TRPM1: variants seen among roughly 807,000 people sequenced by gnomAD.
TRPM1 encodes TRPM1-203 APA Isoform, Intron 10.
A neutral mutation model predicts 149.4 loss-of-function variants in TRPM1; 113 were observed. The observed-to-expected ratio is 0.76, with a 90% CI of 0.65 to 0.88. TRPM1 has a LOEUF of 0.88. TRPM1 is among the 40% of genes least tolerant of loss of function. TRPM1 has a pLI of 0.00. For missense variants in TRPM1, 1,976 were observed against 2,038.7 expected, an observed-to-expected ratio of 0.97 and a Z score of 0.59; for synonymous variants, 741 against 759.5, an observed-to-expected ratio of 0.98 and a Z score of 0.40.
chr15:31,016,990 A>ACACAC (rs1566990393), intron 27 of TRPM1, among the ~76,000 whole-genome samples: 11 of 103,602 alleles, frequency 1.1e-4, no homozygotes, highest in South Asian at 3.0e-4. Flanking sequence ...CACACACACA[A>ACACAC]AAAAAAAACT....
chr15:31,102,334 G>A (rs3809578), upstream of TRPM1, among the ~76,000 whole-genome samples: 55,855 of 152,090 alleles, frequency 0.37, 10,992 homozygotes, highest in East Asian at 0.8. Context: ...AACAGTATGC[G>A]TGGTTATTCC....
In TRPM1 at chr15:31,002,613, G is replaced by A; in HGVS notation, c.4087C>T (p.Leu1363Phe). 6.2e-7 allele frequency: 1 copy of A among 1,614,158 alleles called. No individual in the cohort carries two copies. Among genetic ancestry groups the A allele is most frequent in the Non-Finnish European group, 8.5e-7 (1 of 1,180,032 alleles). ...GCGTTCTTTAAGTCATCTACTGCAA[G>A]GTGACTGCCATCTGGGGTTGCTGAT... ...STSATPDGSH[L>F]AVDDLKNAEE... Residue 1363 changes from leucine to phenylalanine, a missense_variant, in exon 28 of 28, where the codon CTT (leucine) becomes TTT (phenylalanine). By Grantham distance (22) the Leu-to-Phe change is conservative (BLOSUM62 0). Coordinates refer to ENST00000256552, the MANE Select transcript of TRPM1 (RefSeq NM_001252024.2).
At chr15:31,056,578 T>C (rs2034092739) in intron 11 of TRPM1, among the ~76,000 whole-genome samples, 1 of 152,202 alleles carries the variant, frequency 6.6e-6, no homozygotes, top group South Asian at 2.1e-4. Flanking sequence ...GGTTTGAAAG[T>C]GTCCCCCAAA....
chr15:31,077,374 TC>T (rs1363371446), intron 2 of TRPM1, among the ~76,000 whole-genome samples: 2 of 152,032 alleles, frequency 1.3e-5, no homozygotes, highest in Non-Finnish European at 2.9e-5. Flanking sequence ...GGGAGGGAAA[TC>T]CCCTGTGGAG....
In TRPM1 at chr15:31,052,066, G is replaced by T. The variant is rs2033961629; in HGVS notation, c.1264-1484C>A. On this transcript the variant is annotated intron_variant, in intron 11 of 27. Transcript: ENST00000256552. ...TTCTTTGCCTCTGCTCTAGTCCAAGGCCTGAATTATTTCAAAGGCCTATTA... is the reference window on the plus strand; with the variant it reads ...TTCTTTGCCTCTGCTCTAGTCCAAGTCCTGAATTATTTCAAAGGCCTATTA... Among the ~76,000 whole-genome samples, 3 of 152,196 alleles carry T rather than the reference G, an allele frequency of 2.0e-5. No individual in the cohort carries two copies. In the South Asian group the frequency reaches 6.2e-4, roughly 32 times the overall value.
intron 1 of TRPM1, among the ~76,000 whole-genome samples, chr15:31,081,717 GA>G (rs1567041030): frequency 6.6e-6 from 1 of 152,174 alleles, no homozygotes; most frequent in East Asian, 1.9e-4. Context: ...GTGCCTCCAG[GA>G]GGGCCTGGCG....
chr15:31,048,753 A>G (rs1171381342), intron 13 of TRPM1, among the ~76,000 whole-genome samples: 1 of 152,126 alleles, frequency 6.6e-6, no homozygotes, highest in African/African-American at 2.4e-5. Context: ...TTGAGGCTGC[A>G]GTGAGCTGAG....
At chr15:31,090,298 G>A (rs1478433873) in intron 1 of TRPM1, among the ~76,000 whole-genome samples, 2 of 152,064 alleles carry the variant, frequency 1.3e-5, no homozygotes, top group Admixed American at 6.5e-5. Context: ...CTGTCCCCGG[G>A]ATTCTTGCTT....
At chr15:31,110,114 T>C (rs2035664691) in intron 1 of TRPM1, among the ~76,000 whole-genome samples, 1 of 152,210 alleles carries the variant, frequency 6.6e-6, no homozygotes, top group African/African-American at 2.4e-5. Flanking sequence ...TGCATACTGT[T>C]GAATTCTTTA....
intron 27 of TRPM1, among the ~76,000 whole-genome samples, chr15:31,012,189 G>A (rs1346851624): frequency 6.6e-6 from 1 of 152,106 alleles, no homozygotes; most frequent in Non-Finnish European, 1.5e-5. Flanking sequence ...ATTTACCTAT[G>A]TAGTTAAATT....
At chr15:31,010,535 GATT>G (rs2140876447) in intron 27 of TRPM1, among the ~76,000 whole-genome samples, 1 of 152,024 alleles carries the variant, frequency 6.6e-6, no homozygotes, top group South Asian at 2.1e-4. Flanking sequence ...TTGATCTATT[GATT>G]ATTTAAGAGT....
chr15:31,141,500 T>C (rs2036161966), intron 1 of TRPM1, among the ~76,000 whole-genome samples: 1 of 152,018 alleles, frequency 6.6e-6, no homozygotes, highest in Admixed American at 6.6e-5. Flanking sequence ...AGGAAGAAAA[T>C]AGAAGCAAGG....
At chr15:31,099,813 T>C (rs1009121781) in intron 1 of TRPM1, among the ~76,000 whole-genome samples, 1 of 152,138 alleles carries the variant, frequency 6.6e-6, no homozygotes, top group Non-Finnish European at 1.5e-5. Context: ...TAATTGCAAA[T>C]GCCATGAATT....
At chr15:31,053,899 G>C (rs1009572818) in intron 11 of TRPM1, among the ~76,000 whole-genome samples, 2 of 152,202 alleles carry the variant, frequency 1.3e-5, no homozygotes, top group Non-Finnish European at 2.9e-5. Flanking sequence ...ATATTATTCA[G>C]CCTTAAAAGG....
intron 27 of TRPM1, among the ~76,000 whole-genome samples, chr15:31,020,666 C>T (rs1157001807): frequency 6.6e-6 from 1 of 152,228 alleles, no homozygotes; most frequent in Non-Finnish European, 1.5e-5. Flanking sequence ...GAGAGGTACA[C>T]TTTGCCCATG....
chr15:31,032,987 A>C lies in TRPM1; in HGVS notation c.2701-47T>G, dbSNP rs368618620. On this transcript the variant is annotated intron_variant, in intron 21 of 27. Transcript: ENST00000256552. ...CAATAAACTGAGATGCCGTATTAGA[A>C]GTCTTGTCTTAGAATCTTGGAACAA... 26 of 1,612,032 alleles carry C rather than the reference A, an allele frequency of 1.6e-5. No homozygotes were observed. In the African/African-American group the frequency reaches 3.3e-4, roughly 21 times the overall value.
intron 1 of TRPM1, among the ~76,000 whole-genome samples, chr15:31,122,635 A>G (rs1434102438): frequency 6.6e-6 from 1 of 152,234 alleles, no homozygotes; most frequent in Non-Finnish European, 1.5e-5. Flanking sequence ...TGTCCAAGAT[A>G]AACATGAGGA....
intron 1 of TRPM1, among the ~76,000 whole-genome samples, chr15:31,089,560 GC>G (rs1156796677): frequency 1.3e-5 from 2 of 152,228 alleles, no homozygotes; most frequent in African/African-American, 4.8e-5. Flanking sequence ...GCCGAGACAG[GC>G]CTGAGCGGCA....
At chr15:31,107,435 T>C (rs1366511158) in intron 1 of TRPM1, among the ~76,000 whole-genome samples, 5 of 152,214 alleles carry the variant, frequency 3.3e-5, no homozygotes, top group African/African-American at 4.8e-5. Flanking sequence ...TTTTAGCAAT[T>C]TGAGTCTTCT....
Sources: allele counts gnomAD v4.1 joint callset (sites outside exome capture counted in the v4.1 genomes callset), GRCh38; gene constraint gnomAD v4.1.1; transcripts MANE v1.5; gene names NCBI Gene and HGNC (gene_info 2026-07-23, HGNC 2026-07-21).